Variants in CALD1 observed in about 807,000 individuals in gnomAD.
CALD1 encodes caldesmon.
CALD1 carries 33 observed loss-of-function variants against 99.9 expected under a neutral mutation model. The observed-to-expected ratio is 0.33, with a 90% confidence interval of 0.25 to 0.44. The LOEUF (loss-of-function observed/expected upper bound fraction) is 0.44. Ranked by LOEUF, CALD1 falls within the 20% of genes least tolerant of loss-of-function variation. The probability of loss-of-function intolerance (pLI) is 1.00; values close to 1 mark genes in which losing one functional copy is unlikely to be tolerated. For synonymous variants in CALD1, 310 were observed against 325.0 expected (o/e 0.95, Z 0.50); for missense variants, 861 against 962.1 (o/e 0.89, Z 1.39).
chr7:134,887,815 CAT>C (rs760392709), intron 3 of CALD1, among the ~76,000 whole-genome samples: 1 of 149,842 alleles, frequency 6.7e-6, no homozygotes, highest in Non-Finnish European at 1.5e-5. Context: ...TATGTGTGTG[CAT>C]GTGTGCATAT....
chr7:134,747,720 A>T (rs576501126), intron 1 of CALD1, among the ~76,000 whole-genome samples: 45 of 152,194 alleles, frequency 3.0e-4, no homozygotes, highest in Non-Finnish European at 5.9e-4. Context: ...CATGCTTGGC[A>T]CCCAGCAAAG....
At chr7:134,854,192 T>C (rs1034110445) in intron 2 of CALD1, among the ~76,000 whole-genome samples, 9 of 152,200 alleles carry the variant, frequency 5.9e-5, no homozygotes, top group Non-Finnish European at 1.5e-5. Flanking sequence ...TGTGTCTTTA[T>C]AGTAGAATGA....
At chr7:134,861,641 A>G (rs1800567651) in intron 2 of CALD1, among the ~76,000 whole-genome samples, 1 of 152,238 alleles carries the variant, frequency 6.6e-6, no homozygotes, top group Non-Finnish European at 1.5e-5. Context: ...GTTCACTGTT[A>G]TACCCCAGTG....
chr7:134,811,256 G>T (rs904955715), intron 1 of CALD1, among the ~76,000 whole-genome samples: 1 of 152,106 alleles, frequency 6.6e-6, no homozygotes, highest in African/African-American at 2.4e-5. Flanking sequence ...TTGAAGAAAG[G>T]GTTGTTTACT....
intron 3 of CALD1, among the ~76,000 whole-genome samples, chr7:134,914,067 A>T (rs1164586701): frequency 6.6e-6 from 1 of 152,228 alleles, no homozygotes; most frequent in East Asian, 1.9e-4. Context: ...ATTCGAAATA[A>T]TGTCAAAATT....
the CALD1 span, among the ~76,000 whole-genome samples, chr7:134,723,977 A>C: frequency 2.2e-3 from 336 of 152,348 alleles, 1 homozygote; most frequent in African/African-American, 7.8e-3. Flanking sequence ...TGCTGTTATG[A>C]ATTCAGAGAA....
intron 3 of CALD1, among the ~76,000 whole-genome samples, chr7:134,926,816 A>G (rs1805058331): frequency 2.0e-5 from 3 of 152,202 alleles, no homozygotes; most frequent in Admixed American, 2.0e-4. Flanking sequence ...CTAGAGAAGT[A>G]CCATGCAACA....
intron 1 of CALD1, among the ~76,000 whole-genome samples, chr7:134,790,929 T>A (rs1211264767): frequency 6.6e-6 from 1 of 152,188 alleles, no homozygotes; most frequent in African/African-American, 2.4e-5. Flanking sequence ...AAGGCCAACA[T>A]ATCCAAAAGG....
intron 1 of CALD1, among the ~76,000 whole-genome samples, chr7:134,819,346 T>C (rs1263723134): frequency 6.6e-6 from 1 of 152,170 alleles, no homozygotes; most frequent in Non-Finnish European, 1.5e-5. Context: ...CTCTGTGCCC[T>C]GACAATTCCT....
chr7:134,749,113 C>G (rs949248464), intron 1 of CALD1, among the ~76,000 whole-genome samples: 5 of 152,140 alleles, frequency 3.3e-5, no homozygotes, highest in African/African-American at 9.7e-5. Flanking sequence ...GTTGTGGCAG[C>G]TCAAATGGAA....
At chr7:134,876,082 C>T (rs1408255060) in intron 3 of CALD1, among the ~76,000 whole-genome samples, 2 of 152,178 alleles carry the variant, frequency 1.3e-5, no homozygotes, top group African/African-American at 4.8e-5. Flanking sequence ...TTGGACCACA[C>T]ACTATTTTTG....
At chr7:134,804,804 T>C (rs1043769523) in intron 1 of CALD1, among the ~76,000 whole-genome samples, 1 of 152,230 alleles carries the variant, frequency 6.6e-6, no homozygotes, top group African/African-American at 2.4e-5. Context: ...CACTGTAACC[T>C]CCCAACAGGG....
intron 1 of CALD1, 58 bp from the exon 2 acceptor site, chr7:134,843,826 T>C (rs375673775): frequency 2.8e-4 from 43 of 152,354 alleles, no homozygotes; most frequent in African/African-American, 1.0e-3. Context: ...AAATATATAG[T>C]CTGTATTAGC....
At chr7:134,912,339 G>A (rs770926501) in intron 3 of CALD1, among the ~76,000 whole-genome samples, 3 of 152,224 alleles carry the variant, frequency 2.0e-5, no homozygotes, top group Non-Finnish European at 4.4e-5. Context: ...GGATTTACCA[G>A]TGGTAAACCT....
rs1407497873 is a variant in CALD1 at position 134,933,464 on chromosome 7, A to G, written c.695A>G (p.Gln232Arg). 1 of 1,614,040 alleles carries G rather than the reference A, an allele frequency of 6.2e-7. No individual in the cohort carries two copies. Among genetic ancestry groups the G allele is most frequent in the Non-Finnish European group, 8.5e-7 (1 of 1,179,996 alleles). Residue 232 changes from glutamine to arginine, a missense_variant, in exon 5 of 15, where the codon CAG becomes CGG. By Grantham distance (43) the Gln-to-Arg change is conservative (BLOSUM62 1). Coordinates refer to ENST00000361675, the MANE Select transcript of CALD1 (RefSeq NM_033138.4). ...GTGGTAATGTCATTAAAAAATGGGC[A>G]GATCAGTTCAGAAGAGCCTAAACAA... ...ETVVMSLKNGQISSEEPKQEE... is the reference protein window; with the variant it reads ...ETVVMSLKNGRISSEEPKQEE...
chr7:134,815,896 C>A (rs948881284), intron 1 of CALD1, among the ~76,000 whole-genome samples: 1 of 152,182 alleles, frequency 6.6e-6, no homozygotes. Context: ...TAAAAACTAT[C>A]CTCGAACTGG....
intron 2 of CALD1, among the ~76,000 whole-genome samples, chr7:134,859,809 G>A (rs1254884882): frequency 6.6e-6 from 1 of 152,138 alleles, no homozygotes; most frequent in African/African-American, 2.4e-5. Context: ...CCTAAACATG[G>A]TGTCTTCCTA....
At chr7:134,877,411 C>T (rs1264080760) in intron 3 of CALD1, among the ~76,000 whole-genome samples, 2 of 152,008 alleles carry the variant, frequency 1.3e-5, no homozygotes, top group Admixed American at 6.6e-5. Context: ...TTCCATTTTC[C>T]CTACTTGTTT....
intron 11 of CALD1, among the ~76,000 whole-genome samples, chr7:134,959,549 G>T (rs1340392076): frequency 2.6e-5 from 4 of 152,024 alleles, no homozygotes; most frequent in Non-Finnish European, 5.9e-5. Context: ...AGAGGCCTAT[G>T]GTTCCAGCTA....
Sources: gnomAD v4.1 joint callset for allele counts (sites outside exome capture counted in the v4.1 genomes callset) on GRCh38, gnomAD v4.1.1 for gene constraint, MANE v1.5 for transcripts, NCBI Gene and HGNC (gene_info 2026-07-23, HGNC 2026-07-21) for gene names.